Variants in KCTD3 observed in about 807,000 individuals in gnomAD.
KCTD3 encodes the protein BTB/POZ domain-containing protein KCTD3.
In KCTD3, 41 loss-of-function variants were observed where a neutral mutation model predicts 85.8. The observed-to-expected ratio is 0.48, with a 90% CI of 0.37 to 0.62. The LOEUF is 0.62. Among genes scored for constraint, KCTD3 ranks in the 20% least tolerant of loss-of-function variants. The pLI, the probability that KCTD3 is intolerant of heterozygous loss-of-function variation, is 0.00. For missense variants in KCTD3, 724 were observed against 989.9 expected (o/e 0.73, Z 3.60); for synonymous variants, 338 against 345.4 (o/e 0.98, Z 0.24).
chr1:215,616,869 A>G (rs557753054), intron 15 of KCTD3, among the ~76,000 whole-genome samples: 13 of 152,234 alleles, frequency 8.5e-5, no homozygotes, highest in Admixed American at 8.5e-4. Context: ...CTTCCAAATG[A>G]TAAGTGTCTT....
intron 4 of KCTD3, among the ~76,000 whole-genome samples, chr1:215,576,299 G>C (rs926803576): frequency 6.6e-6 from 1 of 151,852 alleles, no homozygotes; most frequent in Non-Finnish European, 1.5e-5. Context: ...AAACGCCTGA[G>C]CTCAGGCAGT....
At position 215,618,967 on chromosome 1, in the gene KCTD3, C is replaced by T; in HGVS notation, c.1644C>T (p.Gly548=). Reference sequence around the variant, plus strand: ...AATGTGAGGGATCCAGTAGGATGGGCTCAAGACCAAGGCGCTACTTGTTCA... The same window carrying T: ...AATGTGAGGGATCCAGTAGGATGGGTTCAAGACCAAGGCGCTACTTGTTCA... ...VRECEGSSRM[G]SRPRRYLFTG... is the part of the protein sequence containing the mutation. Residue 548 remains glycine, a synonymous_variant, in exon 16 of 18, where the codon GGC becomes GGT. Transcript: ENST00000259154. The T allele has an allele frequency of 6.2e-7, 1 of 1,613,886 alleles. No individual in the cohort carries two copies. The highest frequency in any genetic ancestry group is 8.5e-7 in the Non-Finnish European group (1 of 1,179,870).
intron 10 of KCTD3, among the ~76,000 whole-genome samples, chr1:215,597,135 T>C (rs942649457): frequency 6.6e-6 from 1 of 151,948 alleles, no homozygotes; most frequent in African/African-American, 2.4e-5. Context: ...TTGTATGTAA[T>C]CTTAAAAGTT....
At chr1:215,568,362 G>A (rs764150434) in intron 1 of KCTD3, among the ~76,000 whole-genome samples, 2 of 151,970 alleles carry the variant, frequency 1.3e-5, no homozygotes, top group Non-Finnish European at 2.9e-5. Context: ...TTCTAGGACA[G>A]TGTGTCCAGA....
At chr1:215,584,214 C>G (rs1228822475) in intron 8 of KCTD3, among the ~76,000 whole-genome samples, 1 of 152,160 alleles carries the variant, frequency 6.6e-6, no homozygotes, top group Non-Finnish European at 1.5e-5. Flanking sequence ...GCAGAAAGAA[C>G]TCAAAAACTA....
chr1:215,606,882 G>A (rs944322612), intron 13 of KCTD3, among the ~76,000 whole-genome samples: 2 of 151,876 alleles, frequency 1.3e-5, no homozygotes, highest in Non-Finnish European at 2.9e-5. Context: ...TGACGTAATT[G>A]TCCAATTGAA....
chr1:215,594,003 G>T (rs1372556932), intron 9 of KCTD3, among the ~76,000 whole-genome samples: 2 of 151,950 alleles, frequency 1.3e-5, no homozygotes, highest in Non-Finnish European at 2.9e-5. Context: ...GGGATTACAG[G>T]CGTGTGCTAC....
chr1:215,599,694 T>G lies in KCTD3; in HGVS notation c.934-2173T>G, dbSNP rs148400092. On this transcript the variant is annotated intron_variant, in intron 10 of 17. Transcript: ENST00000259154. Reference sequence around the variant, plus strand: ...AGAACTCAGCAGTTGTAACTCACTGTAACTCTGCTTATCCTCTGCTTTCTC... The same window carrying G: ...AGAACTCAGCAGTTGTAACTCACTGGAACTCTGCTTATCCTCTGCTTTCTC... Among the ~76,000 whole-genome samples the G allele has an allele frequency of 2.6e-5, 4 of 152,242 alleles. No individual in the cohort carries two copies. The East Asian group carries it at 5.8e-4, about 22-fold the overall frequency.
intron 4 of KCTD3, 61 bp from the exon 5 acceptor site, chr1:215,577,609 A>G (rs1226360162): frequency 2.8e-6 from 3 of 1,082,862 alleles, no homozygotes; most frequent in African/African-American, 1.6e-5. Context: ...TTTTCCTTTC[A>G]TGTCAGATGA....
intron 1 of KCTD3, among the ~76,000 whole-genome samples, chr1:215,572,882 G>A (rs1659419583): frequency 6.6e-6 from 1 of 152,162 alleles, no homozygotes; most frequent in Non-Finnish European, 1.5e-5. Flanking sequence ...GAAAGTAGAG[G>A]TTTGCTAGGC....
At chr1:215,619,423 A>G in intron 17 of KCTD3, 132 bp downstream of exon 17, 1 of 764,178 alleles carries the variant, frequency 1.3e-6, no homozygotes, top group Non-Finnish European at 2.0e-6. Context: ...ACATTATGTT[A>G]ACTTTTTAAC....
chr1:215,616,083 G>A lies in KCTD3; in HGVS notation c.1563-2803G>A, dbSNP rs150996717. Among the ~76,000 whole-genome samples, 186 of 152,226 alleles carry A rather than the reference G, an allele frequency of 1.2e-3. 1 individual carries two copies. Among genetic ancestry groups the A allele is most frequent in the African/African-American group, 4.2e-3 (173 of 41,554 alleles). On this transcript the variant is annotated intron_variant, in intron 15 of 17. Transcript: ENST00000259154. ...TCATGGCTAGCTTTGGGGAAAGAGCGTTCTGGTTTCTGTGAGCCACCTTGG... is the reference window on the plus strand; with the variant it reads ...TCATGGCTAGCTTTGGGGAAAGAGCATTCTGGTTTCTGTGAGCCACCTTGG...
chr1:215,595,292 C>T, intron 9 of KCTD3, 64 bp from the exon 10 acceptor site: 1 of 963,266 alleles, frequency 1.0e-6, no homozygotes, highest in Admixed American at 1.8e-5. Context: ...GTTTTTAATC[C>T]AGGTTTTGAT....
At position 215,608,168 on chromosome 1, in the gene KCTD3, C is replaced by T; in HGVS notation, c.1461C>T (p.Asp487=). Residue 487 remains aspartate, a synonymous_variant, in exon 14 of 18, where the codon GAC becomes GAT. Transcript: ENST00000259154. ...ESHGSYSSGN[D]IGPFGERDDQ... is the part of the protein sequence containing the mutation. Reference sequence around the variant, plus strand: ...ATGGTAGCTATTCCTCTGGAAATGACATAGGTGGGTTAGGTTATTTTAGGG... The same window carrying T: ...ATGGTAGCTATTCCTCTGGAAATGATATAGGTGGGTTAGGTTATTTTAGGG... The T allele has an allele frequency of 1.2e-6, 2 of 1,608,026 alleles. No homozygotes were observed. The highest frequency in any genetic ancestry group is 2.2e-5 in the East Asian group (1 of 44,670).
chr1:215,618,753 T>G, intron 15 of KCTD3, 133 bp from the exon 16 acceptor site: 1 of 681,712 alleles, frequency 1.5e-6, no homozygotes, highest in Non-Finnish European at 2.4e-6. Flanking sequence ...TACACATAAA[T>G]TTTAAATGAT....
chr1:215,575,653 A>G (rs1002297413), intron 3 of KCTD3, among the ~76,000 whole-genome samples: 2 of 152,204 alleles, frequency 1.3e-5, no homozygotes, highest in Non-Finnish European at 1.5e-5. Context: ...GATTTTTTCT[A>G]TGTATTAAAA....
intron 8 of KCTD3, among the ~76,000 whole-genome samples, chr1:215,583,197 CCTGAGGGCTGCT>C (rs1659889822): frequency 6.6e-6 from 1 of 151,642 alleles, no homozygotes; most frequent in Non-Finnish European, 1.5e-5. Flanking sequence ...CCAGAGCAGC[CCTGAGGGCTGCT>C]TGACTGAGTA....
At chr1:215,568,759 A>C (rs1235189776) in intron 1 of KCTD3, among the ~76,000 whole-genome samples, 1 of 152,152 alleles carries the variant, frequency 6.6e-6, no homozygotes, top group African/African-American at 2.4e-5. Context: ...AGTGATAAAA[A>C]ATGTCTACTG....
chr1:215,619,109 A>G (rs768315514), intron 16 of KCTD3, 39 bp downstream of exon 16: 88 of 1,609,094 alleles, frequency 5.5e-5, no homozygotes, highest in Non-Finnish European at 7.4e-5. Flanking sequence ...CACAAGGTTA[A>G]GCTTTTCACT....
Sources: gnomAD v4.1 joint callset for allele counts (sites outside exome capture counted in the v4.1 genomes callset) on GRCh38, gnomAD v4.1.1 for gene constraint, MANE v1.5 for transcripts, NCBI Gene and HGNC (gene_info 2026-07-23, HGNC 2026-07-21) for gene names.